The following DSE variants were observed in gnomAD, a reference collection of about 807,000 sequenced individuals.
The protein encoded by DSE is dermatan-sulfate epimerase.
In DSE, 36 loss-of-function variants were observed where a neutral mutation model predicts 84.4. The ratio of observed to expected loss-of-function variants is 0.43; its 90% confidence interval spans 0.33 to 0.56. DSE has a LOEUF of 0.56. Ranked by LOEUF, DSE falls within the 20% of genes least tolerant of loss-of-function variation. DSE has a pLI of 0.06. For synonymous variants in DSE, 410 were observed against 430.1 expected, an observed-to-expected ratio of 0.95 and a Z score of 0.58; for missense variants, 862 against 1,169.6, an observed-to-expected ratio of 0.74 and a Z score of 3.84.
chr6:116,290,587 A>C (rs185134074), intron 2 of DSE, among the ~76,000 whole-genome samples: 1 of 151,952 alleles, frequency 6.6e-6, no homozygotes, highest in African/African-American at 2.4e-5. Flanking sequence ...TCTAGCAAAT[A>C]AATATTTTAT....
At chr6:116,419,226 CAG>C (rs1782921147) in intron 2 of DSE, among the ~76,000 whole-genome samples, 1 of 152,212 alleles carries the variant, frequency 6.6e-6, no homozygotes, top group Non-Finnish European at 1.5e-5. Flanking sequence ...GATGAGGCCT[CAG>C]AGGTGAGAAA....
Position 116,433,369 on chromosome 6 carries a change from G to T in DSE, c.937G>T (p.Asp313Tyr). The change falls in exon 5 of 6, where the codon GAC becomes TAC. Residue 313 changes from aspartate (D) to tyrosine (Y), a missense_variant. Around this residue, in one of 4 missense-constraint regions of DSE, gnomAD observed 309 missense variants for 516.9 expected, o/e 0.60. Transcript: ENST00000644252. ...PGFQRTVAIA[D>Y]SNYNWFYGPE... ...GTTTCAAAGGACTGTGGCTATTGCG[G>T]ACTCAAATTACAACTGGTTTTATGG... 1 of 1,551,410 alleles carries T rather than the reference G, an allele frequency of 6.4e-7. No individual in the cohort carries two copies. The highest frequency in any genetic ancestry group is 1.2e-5 in the South Asian group (1 of 84,040).
chr6:116,356,657 A>G (rs1286561539), intron 2 of DSE, among the ~76,000 whole-genome samples: 2 of 152,182 alleles, frequency 1.3e-5, no homozygotes, highest in East Asian at 1.9e-4. Flanking sequence ...GCGAATGACG[A>G]AACAGGTACC....
chr6:116,275,153 A>T (rs1268936474), intron 2 of DSE, among the ~76,000 whole-genome samples: 2 of 152,238 alleles, frequency 1.3e-5, no homozygotes, highest in Non-Finnish European at 2.9e-5. Context: ...GCCACATTTC[A>T]AGTGCTCAAT....
At chr6:116,372,578 G>C in intron 1 of DSE, among the ~76,000 whole-genome samples, 1 of 152,160 alleles carries the variant, frequency 6.6e-6, no homozygotes, top group Non-Finnish European at 1.5e-5. Context: ...GTGCATGGAA[G>C]AAAATAAAAT....
intron 2 of DSE, among the ~76,000 whole-genome samples, chr6:116,312,567 T>C (rs1023237947): frequency 2.0e-5 from 3 of 152,110 alleles, no homozygotes; most frequent in Non-Finnish European, 2.9e-5. Flanking sequence ...TATAAGGGCT[T>C]AAGAAGAAAT....
intron 2 of DSE, among the ~76,000 whole-genome samples, chr6:116,313,083 C>T (rs1489190160): frequency 3.3e-5 from 5 of 152,082 alleles, no homozygotes; most frequent in Non-Finnish European, 7.4e-5. Flanking sequence ...TGACTGGTAT[C>T]CTTATAAGAA....
chr6:116,418,738 A>G (rs1212619620), intron 2 of DSE, among the ~76,000 whole-genome samples: 1 of 152,144 alleles, frequency 6.6e-6, no homozygotes, highest in Non-Finnish European at 1.5e-5. Flanking sequence ...ATTCTTTGAA[A>G]GCGCCGTTCT....
intron 3 of DSE, 58 bp from the exon 4 acceptor site, chr6:116,430,896 T>G: frequency 1.3e-6 from 2 of 1,588,020 alleles, no homozygotes; most frequent in Non-Finnish European, 1.7e-6. Context: ...TGGCCATATT[T>G]TTGTTTATGC....
chr6:116,343,605 A>G (rs1412832929), intron 2 of DSE, among the ~76,000 whole-genome samples: 1 of 152,246 alleles, frequency 6.6e-6, no homozygotes, highest in Admixed American at 6.5e-5. Flanking sequence ...AAGGAAAACT[A>G]ACAAACAGAA....
intron 2 of DSE, among the ~76,000 whole-genome samples, chr6:116,356,215 G>A (rs113013762): frequency 0.017 from 2,615 of 152,246 alleles, 32 homozygotes; most frequent in Middle Eastern, 0.034. Flanking sequence ...CAGTAATTTT[G>A]GTAAATAGTT....
chr6:116,399,886 A>C, intron 2 of DSE: 1 of 537,156 alleles, frequency 1.9e-6, no homozygotes, highest in East Asian at 3.1e-5. Context: ...ATTTAGATGC[A>C]GCCTAATCTA....
intron 2 of DSE, among the ~76,000 whole-genome samples, chr6:116,350,897 C>T (rs555125114): frequency 2.0e-4 from 29 of 148,136 alleles, no homozygotes; most frequent in African/African-American, 7.2e-4. Context: ...ATTTTCCTGG[C>T]ATATCTTCCT....
At position 116,438,107 on chromosome 6, in the gene DSE, C is replaced by T. The variant is rs1252149432; in HGVS notation, c.*762C>T. ...ACTGTATTTTCCTTATATGGAAAAC[C>T]GTTATAGACCCAATAACAACTAAAC... On this transcript the variant is annotated 3_prime_UTR_variant, in exon 6 of 6. Transcript: ENST00000644252. 3 of 152,206 alleles carry T rather than the reference C, an allele frequency of 2.0e-5. No individual in the cohort carries two copies. Among genetic ancestry groups the T allele is most frequent in the Admixed American group, 6.6e-5 (1 of 15,214 alleles). The allele number at this position is 152,206 out of a possible 1,614,324, so 9.4% of individuals were successfully genotyped here.
intron 1 of DSE, among the ~76,000 whole-genome samples, chr6:116,389,878 A>C (rs1780787510): frequency 6.6e-6 from 1 of 152,076 alleles, no homozygotes; most frequent in Non-Finnish European, 1.5e-5. Flanking sequence ...CAATAGGTTA[A>C]ATAAATTGTT....
intron 2 of DSE, among the ~76,000 whole-genome samples, chr6:116,283,582 C>T (rs760424774): frequency 6.6e-6 from 1 of 151,678 alleles, no homozygotes; most frequent in Non-Finnish European, 1.5e-5. Flanking sequence ...CTCACTCTGT[C>T]GCCCAGGCTG....
In DSE at chr6:116,397,184, G is replaced by A. The variant is rs1027264326; in HGVS notation, c.-53-2014G>A. ...ATACAGGATTTTTTTTTAATCGTTA[G>A]CGGTATATTATTCTCTTTCTTTCTT... is the stretch of plus-strand genomic sequence containing the variant. On this transcript the variant is annotated intron_variant, in intron 1 of 5. Coordinates refer to ENST00000644252, the MANE Select transcript of DSE (RefSeq NM_013352.4). Among the ~76,000 whole-genome samples, 27 of 149,766 alleles carry A rather than the reference G, an allele frequency of 1.8e-4. 1 individual carries two copies. Among genetic ancestry groups the A allele is most frequent in the Non-Finnish European group, 3.0e-5 (2 of 67,420 alleles).
In DSE at chr6:116,436,328, C is replaced by T. The variant is rs376227527; in HGVS notation, c.1860C>T (p.Asp620=). The change falls in exon 6 of 6, where the codon GAC becomes GAT. Residue 620 remains aspartate (D), a synonymous_variant. Transcript: ENST00000644252. The stretch of plus-strand genomic sequence containing the variant: ...GTCTCTATAAAATGTACTGGATGGA[C>T]GATACTGGCTACAGCGAGAAAGCAA... ...RDGLYKMYWM[D]DTGYSEKATF... 34 of 1,614,024 alleles carry T rather than the reference C, an allele frequency of 2.1e-5. No homozygotes were observed. The African/African-American group carries it at 2.4e-4, about 11-fold the overall frequency.
At chr6:116,411,259 T>C (rs755890724) in intron 2 of DSE, among the ~76,000 whole-genome samples, 1 of 152,172 alleles carries the variant, frequency 6.6e-6, no homozygotes, top group African/African-American at 2.4e-5. Flanking sequence ...CTGTTGATGA[T>C]AGAAAAATGC....
Sources: allele counts gnomAD v4.1 joint callset (sites outside exome capture counted in the v4.1 genomes callset), GRCh38; gene constraint gnomAD v4.1.1; regional missense constraint gnomAD v4.1.1; transcripts MANE v1.5; gene names NCBI Gene and HGNC (gene_info 2026-07-23, HGNC 2026-07-21).